The following IGSF10 variants were observed in gnomAD, a reference collection of about 807,000 sequenced individuals.
The protein encoded by IGSF10 is immunoglobulin superfamily member 10, also known as calvaria mechanical force protein 608.
IGSF10 carries 126 observed loss-of-function variants against 128.2 expected under a neutral mutation model. The ratio of observed to expected loss-of-function variants is 0.98; its 90% CI spans 0.85 to 1.14. The LOEUF is 1.14. Ranked by LOEUF, IGSF10 falls within the 50% of genes most tolerant of loss-of-function variation. The probability of loss-of-function intolerance (pLI) is 0.00; values close to 1 mark genes in which losing one functional copy is unlikely to be tolerated. For synonymous variants in IGSF10, 1,185 were observed against 1,146.2 expected, an observed-to-expected ratio of 1.03 and a Z score of -0.68; for missense variants, 3,295 against 3,149.8, an observed-to-expected ratio of 1.05 and a Z score of -1.10.
the IGSF10 span, among the ~76,000 whole-genome samples, chr3:151,549,183 TG>T: frequency 6.6e-6 from 1 of 152,210 alleles, no homozygotes; most frequent in African/African-American, 2.4e-5. Context: ...AGTAGTTGGT[TG>T]GTGGCTTTAC....
At chr3:151,539,963 G>A in the IGSF10 span, among the ~76,000 whole-genome samples, 1 of 152,066 alleles carries the variant, frequency 6.6e-6, no homozygotes, top group Admixed American at 6.6e-5. Context: ...GACAGAACTG[G>A]CCTTAGTCCG....
the IGSF10 span, among the ~76,000 whole-genome samples, chr3:151,473,990 C>T: frequency 6.6e-6 from 1 of 151,932 alleles, no homozygotes; most frequent in African/African-American, 2.4e-5. Context: ...GGGGCTCACT[C>T]TTGGTGGTAG....
the IGSF10 span, among the ~76,000 whole-genome samples, chr3:151,567,735 C>G: frequency 6.6e-6 from 1 of 152,208 alleles, no homozygotes; most frequent in Non-Finnish European, 1.5e-5. Context: ...CTCCTACACC[C>G]CAGAGCCTGC....
chr3:151,577,981 A>G, the IGSF10 span, among the ~76,000 whole-genome samples: 1 of 152,154 alleles, frequency 6.6e-6, no homozygotes, highest in African/African-American at 2.4e-5. Context: ...CTGCAAGTCC[A>G]TCTATGTTGT....
rs1721292882 is a variant in IGSF10 at position 151,447,872 on chromosome 3, C to G, written c.2109G>C (p.Leu703=). The G allele has an allele frequency of 1.2e-6, 2 of 1,613,956 alleles. No individual in the cohort carries two copies. The highest frequency in any genetic ancestry group is 1.1e-5 in the South Asian group (1 of 91,072). ...TGTGTTTTCCAACCTCAGCCTCCAT[C>G]AGAGCAGATGTACGGAGTTGTGCAC... is the stretch of plus-strand genomic sequence containing the variant. ...PPGAQLRTSA[L]MEAEVGKHTS... Residue 703 remains leucine, a synonymous_variant, in exon 6 of 8, where the codon CTG becomes CTC. Transcript: ENST00000282466.
chr3:151,530,798 G>A, the IGSF10 span, among the ~76,000 whole-genome samples: 5 of 152,154 alleles, frequency 3.3e-5, no homozygotes, highest in South Asian at 4.2e-4. Context: ...ATGAAGAAAC[G>A]GCATCAACTA....
the IGSF10 span, among the ~76,000 whole-genome samples, chr3:151,600,477 G>A: frequency 6.6e-6 from 1 of 152,068 alleles, no homozygotes; most frequent in Admixed American, 6.5e-5. Flanking sequence ...AATATGATTT[G>A]CAGTTACTTT....
At chr3:151,498,302 G>A in the IGSF10 span, among the ~76,000 whole-genome samples, 1 of 152,110 alleles carries the variant, frequency 6.6e-6, no homozygotes, top group Non-Finnish European at 1.5e-5. Context: ...TATTGGCTAT[G>A]GGTTTGTCAT....
chr3:151,523,048 A>T, the IGSF10 span, among the ~76,000 whole-genome samples: 1 of 152,174 alleles, frequency 6.6e-6, no homozygotes, highest in African/African-American at 2.4e-5. Context: ...GCAAATCAGA[A>T]AGGCAATCCC....
rs767083896 is a variant in IGSF10 at position 151,444,937 on chromosome 3, A to C, written c.5044T>G (p.Trp1682Gly). Residue 1682 changes from tryptophan to glycine, a missense_variant, in exon 6 of 8, where the codon TGG (tryptophan) becomes GGG (glycine). Coordinates refer to ENST00000282466, the MANE Select transcript of IGSF10 (RefSeq NM_178822.5). ...AVGNPLPTIH[W>G]TRVPSGLDLS... ...CACATACCTGATGGGACTCTGGTCC[A>C]ATGAATGGTGGGCAGGGGATTTCCA... 1 of 1,607,872 alleles carries C rather than the reference A, an allele frequency of 6.2e-7. No homozygotes were observed. Among genetic ancestry groups the C allele is most frequent in the Admixed American group, 1.7e-5 (1 of 58,634 alleles).
the IGSF10 span, among the ~76,000 whole-genome samples, chr3:151,581,626 C>A: frequency 6.6e-6 from 1 of 152,308 alleles, no homozygotes; most frequent in South Asian, 2.1e-4. Flanking sequence ...AGAAGAGATT[C>A]TTTCCTGTAC....
At chr3:151,497,473 A>G in the IGSF10 span, among the ~76,000 whole-genome samples, 7 of 152,172 alleles carry the variant, frequency 4.6e-5, no homozygotes, top group Non-Finnish European at 1.0e-4. Flanking sequence ...TTGGTCACAG[A>G]TCAGATAGTT....
chr3:151,436,844 C>T lies in IGSF10; in HGVS notation c.7717G>A (p.Ala2573Thr), dbSNP rs200783488. 1 of 1,614,134 alleles carries T rather than the reference C, an allele frequency of 6.2e-7. No homozygotes were observed. Among genetic ancestry groups the T allele is most frequent in the Admixed American group, 1.7e-5 (1 of 60,014 alleles). ...EMPDHSLLST[A>T]SKERTHGSEQ... is the part of the protein sequence containing the mutation. ...CTTCCATGTGTCCTCTCTTTACTTG[C>T]CGTTGAGAGAAGGGAGTGGTCAGGC... The change falls in exon 8 of 8, where the codon GCA becomes ACA. Residue 2573 changes from alanine (A) to threonine (T), a missense_variant. Coordinates refer to ENST00000282466, the MANE Select transcript of IGSF10 (RefSeq NM_178822.5).
chr3:151,527,786 C>T, the IGSF10 span, among the ~76,000 whole-genome samples: 1 of 129,434 alleles, frequency 7.7e-6, no homozygotes, highest in East Asian at 2.0e-4. Flanking sequence ...CCTGTCTCTA[C>T]AATTTTTTTT....
At chr3:151,516,727 G>A in the IGSF10 span, among the ~76,000 whole-genome samples, 2 of 151,896 alleles carry the variant, frequency 1.3e-5, no homozygotes, top group Non-Finnish European at 2.9e-5. Flanking sequence ...ACATTGCCTG[G>A]AACATTTGCT....
Position 151,445,750 on chromosome 3 carries a change from G to C in IGSF10, c.4231C>G (p.His1411Asp). 1 of 1,614,052 alleles carries C rather than the reference G, an allele frequency of 6.2e-7. No individual in the cohort carries two copies. Among genetic ancestry groups the C allele is most frequent in the Non-Finnish European group, 8.5e-7 (1 of 1,180,022 alleles). Residue 1411 changes from histidine to aspartate, a missense_variant, in exon 6 of 8, where the codon CAT (histidine) becomes GAT (aspartate). Coordinates refer to ENST00000282466, the MANE Select transcript of IGSF10 (RefSeq NM_178822.5). The stretch of plus-strand genomic sequence containing the variant: ...TCTGTCAGATTAAGAGTTCTTGAAT[G>C]AAAACTGATTGTGCTTGAAATCCCA... ...TTGISSTISF[H>D]SRTLNLTDVI...
the IGSF10 span, among the ~76,000 whole-genome samples, chr3:151,593,254 A>G: frequency 6.6e-6 from 1 of 152,172 alleles, no homozygotes; most frequent in East Asian, 1.9e-4. Flanking sequence ...CTGGGAACAC[A>G]GGCACAGACA....
At chr3:151,442,801 G>T (rs1720938167) in intron 7 of IGSF10, among the ~76,000 whole-genome samples, 183 bp downstream of exon 7, 1 of 152,132 alleles carries the variant, frequency 6.6e-6, no homozygotes, top group Admixed American at 6.5e-5. Context: ...CATGTGAAAA[G>T]AATGGTTTTT....
chr3:151,475,738 T>C, the IGSF10 span: 1 of 151,780 alleles, frequency 6.6e-6, no homozygotes, highest in African/African-American at 2.4e-5. Context: ...TTCATAAATC[T>C]TTTTTTTTCT....
Sources: allele counts gnomAD v4.1 joint callset (sites outside exome capture counted in the v4.1 genomes callset), GRCh38; gene constraint gnomAD v4.1.1; transcripts MANE v1.5; gene names NCBI Gene and HGNC (gene_info 2026-07-23, HGNC 2026-07-21).